The following IL1RAPL2 variants were observed in gnomAD, a reference collection of about 807,000 sequenced individuals.
IL1RAPL2 encodes interleukin 1 receptor accessory protein like 2, also known as X-linked interleukin-1 receptor accessory protein-like 2.
In IL1RAPL2, 3 loss-of-function variants were observed where a neutral mutation model predicts 44.1. The observed-to-expected ratio is 0.07, with a 90% CI of 0.03 to 0.18. The LOEUF is 0.18. IL1RAPL2 is among the 10% of genes least tolerant of loss of function. The pLI is 1.00. For missense variants in IL1RAPL2, 391 were observed against 496.4 expected (o/e 0.79, Z 2.02); for synonymous variants, 181 against 178.8 (o/e 1.01, Z -0.10).
At chrX:104,901,386 T>C (rs1161779250) in intron 2 of IL1RAPL2, among the ~76,000 whole-genome samples, 5 of 107,849 alleles carry the variant, frequency 4.6e-5, no homozygotes, top group African/African-American at 1.7e-4. Context: ...AATTTTTTTG[T>C]ATTTTTAGTA....
At chrX:104,749,382 C>A (rs905051369) in intron 2 of IL1RAPL2, among the ~76,000 whole-genome samples, 4 of 110,958 alleles carry the variant, frequency 3.6e-5, no homozygotes, top group Non-Finnish European at 7.6e-5. Flanking sequence ...CTATGCCAAG[C>A]ACCTTGGGGG....
At chrX:104,688,009 A>C (rs1019704600) in intron 2 of IL1RAPL2, among the ~76,000 whole-genome samples, 1 of 111,949 alleles carries the variant, frequency 8.9e-6, no homozygotes, top group Non-Finnish European at 1.9e-5. Flanking sequence ...CATCACATTC[A>C]GGATTTGAAC....
intron 2 of IL1RAPL2, among the ~76,000 whole-genome samples, chrX:105,176,716 G>T (rs762489170): frequency 3.3e-4 from 36 of 110,533 alleles, no homozygotes; most frequent in African/African-American, 1.1e-3. Flanking sequence ...TGCTTCTGGG[G>T]GCAAGCAAGG....
intron 2 of IL1RAPL2, among the ~76,000 whole-genome samples, chrX:104,884,716 A>T (rs1420587481): frequency 1.8e-5 from 2 of 111,570 alleles, no homozygotes; most frequent in Non-Finnish European, 3.8e-5. Context: ...ATGGAGTGAA[A>T]TACCTTATAT....
intron 6 of IL1RAPL2, among the ~76,000 whole-genome samples, chrX:105,668,481 A>T (rs1254692419): frequency 8.9e-6 from 1 of 112,603 alleles, no homozygotes; most frequent in Admixed American, 9.4e-5. Flanking sequence ...AATCTCTATG[A>T]CCTTGAGAGC....
chrX:105,186,135 C>A (rs1193504139), intron 2 of IL1RAPL2, among the ~76,000 whole-genome samples: 2 of 111,321 alleles, frequency 1.8e-5, no homozygotes, highest in Non-Finnish European at 3.8e-5. Flanking sequence ...CTTGAGCATT[C>A]AAAGATTTTA....
chrX:105,445,662 G>A (rs1485729469), intron 5 of IL1RAPL2, among the ~76,000 whole-genome samples: 1 of 111,188 alleles, frequency 9.0e-6, no homozygotes, highest in Non-Finnish European at 1.9e-5. Context: ...TTATTCAGGA[G>A]AATATTCTTT....
At chrX:105,348,679 A>G (rs187762500) in intron 5 of IL1RAPL2, among the ~76,000 whole-genome samples, 16 of 111,689 alleles carry the variant, frequency 1.4e-4, no homozygotes, top group African/African-American at 5.2e-4. Flanking sequence ...CAGGGAGGAA[A>G]GGCTTTATTC....
intron 2 of IL1RAPL2, among the ~76,000 whole-genome samples, chrX:104,666,163 A>G (rs1930485627): frequency 9.0e-6 from 1 of 110,904 alleles, no homozygotes; most frequent in Admixed American, 9.7e-5. Flanking sequence ...AAAACAATCC[A>G]TACAGTGAAA....
At chrX:104,922,924 T>C (rs1924680495) in intron 2 of IL1RAPL2, among the ~76,000 whole-genome samples, 1 of 110,488 alleles carries the variant, frequency 9.1e-6, no homozygotes, top group South Asian at 3.8e-4. Context: ...AGAAAAATAA[T>C]TGAGGAGATA....
At chrX:105,613,737 G>T (rs960728512) in intron 6 of IL1RAPL2, among the ~76,000 whole-genome samples, 1 of 111,895 alleles carries the variant, frequency 8.9e-6, no homozygotes, top group Non-Finnish European at 1.9e-5. Flanking sequence ...TAGCCATGGG[G>T]TGAAACTCCT....
chrX:105,409,865 CAGAT>C lies in IL1RAPL2; in HGVS notation c.698-74440_698-74437del, dbSNP rs1211944715. On this transcript the variant is annotated intron_variant, in intron 5 of 10. Coordinates refer to ENST00000372582, the MANE Select transcript of IL1RAPL2 (RefSeq NM_017416.2). ...ATAGATAGACAGACAGACAGACAGACAGATAGATAGAGTGTGGGGGGGGGGTTGG... is the reference window on the plus strand; with the variant it reads ...ATAGATAGACAGACAGACAGACAGACAGATAGAGTGTGGGGGGGGGGTTGG... Among the ~76,000 whole-genome samples the C allele has an allele frequency of 4.1e-3, 184 of 45,174 alleles. 1 individual carries two copies. Among genetic ancestry groups the C allele is most frequent in the Middle Eastern group, 0.016 (1 of 61 alleles). The allele number at this position is 45,174 out of a possible 115,157, so 39.2% of individuals were successfully genotyped here. A position where few individuals can be genotyped will look rare whatever the true frequency, so the allele number is the denominator to read the frequency against.
At position 105,529,004 on chromosome X, in the gene IL1RAPL2, CAAAT is replaced by C. The variant is rs199989368; in HGVS notation, c.772+44621_772+44624del. ...TTCCAGCTTTATTGAGGACAATTAACAAATAAAAATTTGTATAAATTCAAGGTAA... is the reference window on the plus strand; with the variant it reads ...TTCCAGCTTTATTGAGGACAATTAACAAAAATTTGTATAAATTCAAGGTAA... On this transcript the variant is annotated intron_variant, in intron 6 of 10. Transcript: ENST00000372582. Among the ~76,000 whole-genome samples the C allele has an allele frequency of 4.6e-3, 513 of 111,293 alleles. 4 individuals are homozygous for C. The highest frequency in any genetic ancestry group is 0.015 in the African/African-American group (472 of 30,766).
chrX:105,331,242 CTT>C (rs767560989), intron 5 of IL1RAPL2, among the ~76,000 whole-genome samples: 1 of 111,359 alleles, frequency 9.0e-6, no homozygotes, highest in Non-Finnish European at 1.9e-5. Flanking sequence ...CTAGAATACT[CTT>C]TATTTTTGTG....
intron 2 of IL1RAPL2, among the ~76,000 whole-genome samples, chrX:104,996,615 T>A (rs1425332394): frequency 8.9e-6 from 1 of 111,918 alleles, no homozygotes; most frequent in African/African-American, 3.2e-5. Flanking sequence ...ACTGGATGAA[T>A]AGAGAATATT....
At chrX:105,448,368 C>CTTT (rs200693912) in intron 5 of IL1RAPL2, among the ~76,000 whole-genome samples, 30 of 98,478 alleles carry the variant, frequency 3.0e-4, no homozygotes, top group African/African-American at 1.1e-3. Context: ...AGGCCAATAA[C>CTTT]TTTTTTTTTT....
intron 5 of IL1RAPL2, among the ~76,000 whole-genome samples, chrX:105,442,532 C>T (rs372549353): frequency 3.0e-4 from 34 of 112,031 alleles, no homozygotes; most frequent in African/African-American, 1.0e-3. Flanking sequence ...CTTTGTGGCA[C>T]GTTTTTAAAA....
At chrX:105,042,367 A>C (rs1460201331) in intron 2 of IL1RAPL2, among the ~76,000 whole-genome samples, 2 of 110,812 alleles carry the variant, frequency 1.8e-5, no homozygotes, top group Non-Finnish European at 3.8e-5. Context: ...CAATGAACTC[A>C]AACAAATTTA....
chrX:105,694,800 A>C (rs2038063616), intron 6 of IL1RAPL2, among the ~76,000 whole-genome samples: 2 of 111,780 alleles, frequency 1.8e-5, no homozygotes, highest in African/African-American at 6.5e-5. Context: ...AGAAACTAAT[A>C]ATAAAAAGGC....
Sources: allele counts gnomAD v4.1 joint callset (sites outside exome capture counted in the v4.1 genomes callset), GRCh38; gene constraint gnomAD v4.1.1; transcripts MANE v1.5; gene names NCBI Gene and HGNC (gene_info 2026-07-23, HGNC 2026-07-21).